Variants in MAPK10 observed in about 807,000 individuals in gnomAD.
The protein encoded by MAPK10 is JNK3 alpha protein kinase.
In MAPK10, 25 loss-of-function variants were observed where a neutral mutation model predicts 59.3. That is an observed-to-expected ratio of 0.42 (90% confidence interval 0.31 to 0.59). MAPK10 has a LOEUF of 0.59. MAPK10 is among the 20% of genes least tolerant of loss of function. The pLI, the probability that MAPK10 is intolerant of heterozygous loss-of-function variation, is 0.15. For missense variants in MAPK10, 351 were observed against 568.9 expected, an observed-to-expected ratio of 0.62 and a Z score of 3.90; for synonymous variants, 190 against 200.5, an observed-to-expected ratio of 0.95 and a Z score of 0.44.
intron 1 of MAPK10, among the ~76,000 whole-genome samples, chr4:86,565,961 C>A (rs894643292): frequency 6.6e-6 from 1 of 152,184 alleles, no homozygotes; most frequent in African/African-American, 2.4e-5. Context: ...TTCCTTCCCC[C>A]CAAGTCTCTT....
intron 1 of MAPK10, among the ~76,000 whole-genome samples, chr4:86,439,572 T>G (rs1001747646): frequency 6.6e-6 from 1 of 152,254 alleles, no homozygotes; most frequent in Non-Finnish European, 1.5e-5. Flanking sequence ...TATGTTCTTA[T>G]GTAGACAGAC....
intron 1 of MAPK10, among the ~76,000 whole-genome samples, chr4:86,514,902 A>G (rs1212563315): frequency 6.6e-6 from 1 of 152,144 alleles, no homozygotes. Flanking sequence ...GGTTACTTGG[A>G]TAAGTTCTTT....
intron 1 of MAPK10, among the ~76,000 whole-genome samples, chr4:86,402,169 C>CT (rs148545563): frequency 8.2e-4 from 120 of 146,698 alleles, no homozygotes; most frequent in African/African-American, 1.5e-3. Flanking sequence ...GCTAAGAGGA[C>CT]TTTTTTTTTT....
At chr4:86,203,964 G>C (rs1021905645) in intron 2 of MAPK10, among the ~76,000 whole-genome samples, 4 of 151,834 alleles carry the variant, frequency 2.6e-5, no homozygotes, top group Admixed American at 6.6e-5. Context: ...GAGGCAGCAA[G>C]TTATGGTCCA....
At chr4:86,487,149 A>G (rs896821320) in intron 1 of MAPK10, among the ~76,000 whole-genome samples, 3 of 152,164 alleles carry the variant, frequency 2.0e-5, no homozygotes, top group Admixed American at 1.3e-4. Context: ...GGAAAATGCC[A>G]TAACAGACAT....
At chr4:86,082,694 T>C (rs1284587246) in intron 9 of MAPK10, among the ~76,000 whole-genome samples, 2 of 152,188 alleles carry the variant, frequency 1.3e-5, no homozygotes, top group African/African-American at 2.4e-5. Context: ...GGAACTTATC[T>C]AGATAAGTTG....
intron 13 of MAPK10, chr4:86,027,250 T>C (rs1341599461): frequency 6.6e-6 from 1 of 152,186 alleles, no homozygotes; most frequent in Non-Finnish European, 1.5e-5. Context: ...CAGTCAACTA[T>C]AGTTTAGGGC....
At chr4:86,265,947 A>T (rs1387188621) in intron 2 of MAPK10, among the ~76,000 whole-genome samples, 1 of 152,190 alleles carries the variant, frequency 6.6e-6, no homozygotes, top group East Asian at 1.9e-4. Context: ...CCAAGCAGCA[A>T]GGAAAAATAC....
At chr4:86,427,110 A>G (rs183071945) in intron 1 of MAPK10, among the ~76,000 whole-genome samples, 1 of 152,168 alleles carries the variant, frequency 6.6e-6, no homozygotes, top group Admixed American at 6.5e-5. Context: ...CAAAAAAATT[A>G]GCCGGGTGTG....
At chr4:86,330,623 T>A (rs912332818) in intron 2 of MAPK10, among the ~76,000 whole-genome samples, 1 of 152,158 alleles carries the variant, frequency 6.6e-6, no homozygotes, top group African/African-American at 2.4e-5. Flanking sequence ...CCCCTTCCTA[T>A]CATCATGTGA....
intron 3 of MAPK10, among the ~76,000 whole-genome samples, chr4:86,189,742 C>T (rs2079192524): frequency 6.6e-6 from 1 of 152,132 alleles, no homozygotes; most frequent in Non-Finnish European, 1.5e-5. Context: ...CGCTTTATTT[C>T]ATTCTCTTGC....
intron 1 of MAPK10, 56 bp from the exon 2 acceptor site, chr4:86,354,700 TAG>T: frequency 1.4e-6 from 1 of 725,276 alleles, no homozygotes; most frequent in Non-Finnish European, 1.9e-6. Context: ...AATTTGTATT[TAG>T]AAAACCAAAA....
At chr4:86,173,715 T>A (rs2074970715) in intron 3 of MAPK10, among the ~76,000 whole-genome samples, 2 of 151,734 alleles carry the variant, frequency 1.3e-5, no homozygotes, top group Admixed American at 1.3e-4. Flanking sequence ...GGGAGAAAAA[T>A]TTTTCAATCT....
At chr4:86,198,679 C>G (rs1475052889) in intron 2 of MAPK10, among the ~76,000 whole-genome samples, 1 of 151,280 alleles carries the variant, frequency 6.6e-6, no homozygotes, top group Non-Finnish European at 1.5e-5. Flanking sequence ...TGAAATAAGT[C>G]ATAAATAATA....
chr4:86,034,635 T>G (rs1280907188), intron 11 of MAPK10, among the ~76,000 whole-genome samples: 2 of 152,160 alleles, frequency 1.3e-5, no homozygotes, highest in African/African-American at 4.8e-5. Context: ...CACAAGGAGT[T>G]CACAATTTAC....
chr4:86,369,105 A>G (rs1034161237), intron 1 of MAPK10, among the ~76,000 whole-genome samples: 1 of 152,146 alleles, frequency 6.6e-6, no homozygotes, highest in East Asian at 1.9e-4. Context: ...CATGGACTAC[A>G]TTTGAGTTTG....
At chr4:86,068,032 A>T (rs1261057613) in intron 9 of MAPK10, 77 bp from the exon 10 acceptor site, 1 of 926,036 alleles carries the variant, frequency 1.1e-6, no homozygotes, top group Non-Finnish European at 1.6e-6. Flanking sequence ...AACTCTTCTC[A>T]AAGTCCTCAA....
chr4:86,037,316 C>G (rs557812183), intron 11 of MAPK10, among the ~76,000 whole-genome samples: 22 of 152,132 alleles, frequency 1.4e-4, no homozygotes, highest in African/African-American at 3.6e-4. Context: ...GTCAGGAGAT[C>G]GAGACCATCC....
chr4:86,563,731 A>C (rs2149105330), intron 1 of MAPK10, among the ~76,000 whole-genome samples: 1 of 152,314 alleles, frequency 6.6e-6, no homozygotes. Context: ...TAATATATAC[A>C]GTGTGGATAC....
Sources: allele counts gnomAD v4.1 joint callset (sites outside exome capture counted in the v4.1 genomes callset), GRCh38; gene constraint gnomAD v4.1.1; transcripts MANE v1.5; gene names NCBI Gene and HGNC (gene_info 2026-07-23, HGNC 2026-07-21).